NPIPB2: variants seen among roughly 807,000 people sequenced by gnomAD.
NPIPB2 encodes nuclear pore complex interacting protein family member B2, also known as nuclear pore complex-interacting protein family member B2.
In NPIPB2, 27 loss-of-function variants were observed where a neutral mutation model predicts 30.8. The ratio of observed to expected loss-of-function variants is 0.88; its 90% CI spans 0.65 to 1.21. The LOEUF (loss-of-function observed/expected upper bound fraction) is 1.21, where lower values mean the gene tolerates loss of function less well. Ranked by LOEUF, NPIPB2 falls within the 50% of genes most tolerant of loss-of-function variation. The probability of loss-of-function intolerance (pLI) is 0.00; values close to 1 mark genes in which losing one functional copy is unlikely to be tolerated. For synonymous variants in NPIPB2, 147 were observed against 162.0 expected, an observed-to-expected ratio of 0.91 and a Z score of 0.70; for missense variants, 440 against 446.2, an observed-to-expected ratio of 0.99 and a Z score of 0.13.
intron 3 of NPIPB2, 24 bp downstream of exon 3, chr16:11,933,801 A>T (rs749907135): frequency 6.3e-7 from 1 of 1,591,474 alleles, no homozygotes; most frequent in Admixed American, 1.7e-5. Context: ...TTTCCACACT[A>T]TGGGGACTCC....
intron 1 of NPIPB2, among the ~76,000 whole-genome samples, chr16:11,950,892 TAC>T (rs1228782319): frequency 2.0e-5 from 3 of 152,154 alleles, no homozygotes; most frequent in Non-Finnish European, 4.4e-5. Flanking sequence ...GCTGAGAACA[TAC>T]AGAGAAGTAA....
chr16:11,937,706 G>A (rs764358371), intron 1 of NPIPB2, 38 bp from the exon 2 acceptor site: 2 of 1,594,404 alleles, frequency 1.3e-6, no homozygotes, highest in South Asian at 2.2e-5. Context: ...AAAGGTCAAT[G>A]ACACTGACAA....
At chr16:11,942,094 T>C (rs771179753), upstream of NPIPB2, 32 of 1,529,472 alleles carry the variant, frequency 2.1e-5, no homozygotes, top group East Asian at 2.9e-4. Context: ...ATCACATCCA[T>C]GTAGCCATCT....
At chr16:11,960,594 G>T (rs1051317241) in intron 1 of NPIPB2, among the ~76,000 whole-genome samples, 2 of 152,024 alleles carry the variant, frequency 1.3e-5, no homozygotes, top group Admixed American at 6.6e-5. Context: ...CTGACCTCAG[G>T]TTATCCGCCC....
intron 1 of NPIPB2, chr16:11,968,867 TTTC>T (rs1474810890): frequency 1.2e-4 from 17 of 147,506 alleles, no homozygotes; most frequent in African/African-American, 3.1e-4. Flanking sequence ...TTCTTTTTCT[TTTC>T]TTTTTTTTTT....
At chr16:11,948,574 G>C (rs982495897) in intron 1 of NPIPB2, among the ~76,000 whole-genome samples, 1 of 151,720 alleles carries the variant, frequency 6.6e-6, no homozygotes, top group Admixed American at 6.6e-5. Flanking sequence ...AGACCATCCC[G>C]GCTAAAACGG....
rs921695929 is a variant in NPIPB2, at chr16:11,951,477, A to G, written c.-583-9363T>C. On this transcript the variant is annotated intron_variant, in intron 1 of 5. Transcript: ENST00000538896. ...GACTGTCTCAAAAAAAAAAAAAAAA[A>G]GAAAGAAAAGAAAAATTAACATTAC... Among the ~76,000 whole-genome samples the G allele has an allele frequency of 2.1e-5, 3 of 145,424 alleles. 1 individual carries two copies. The highest frequency in any genetic ancestry group is 4.0e-4 in the East Asian group (2 of 5,032).
chr16:11,933,398 T>A (rs1160787463), intron 4 of NPIPB2, 119 bp downstream of exon 4: 1 of 1,462,988 alleles, frequency 6.8e-7, no homozygotes, highest in Non-Finnish European at 9.3e-7. Context: ...ACAAACTCAA[T>A]TTTGAACCCA....
At chr16:11,975,676 T>C (rs1038648849) in intron 1 of NPIPB2, among the ~76,000 whole-genome samples, 22 of 150,546 alleles carry the variant, frequency 1.5e-4, no homozygotes, top group Middle Eastern at 3.4e-3. Flanking sequence ...CTGAAACCTC[T>C]GCCTCCCGGG....
intron 1 of NPIPB2, among the ~76,000 whole-genome samples, chr16:11,974,295 A>C (rs1356743293): frequency 6.6e-6 from 1 of 152,150 alleles, no homozygotes; most frequent in Non-Finnish European, 1.5e-5. Context: ...AGGAGGGTGG[A>C]TCACCTGAGG....
intron 1 of NPIPB2, among the ~76,000 whole-genome samples, chr16:11,955,023 C>T (rs183599589): frequency 1.3e-5 from 2 of 152,172 alleles, no homozygotes; most frequent in East Asian, 1.9e-4. Flanking sequence ...AATCTATACA[C>T]GTACCTACAT....
intron 1 of NPIPB2, among the ~76,000 whole-genome samples, chr16:11,974,840 G>A (rs919403271): frequency 1.3e-5 from 2 of 152,066 alleles, no homozygotes; most frequent in African/African-American, 2.4e-5. Context: ...TTGGGAGGCC[G>A]AGGTGGGTGA....
chr16:11,964,867 A>G (rs1355272428), intron 1 of NPIPB2, among the ~76,000 whole-genome samples: 1 of 152,174 alleles, frequency 6.6e-6, no homozygotes, highest in Non-Finnish European at 1.5e-5. Flanking sequence ...GCTGGCCTCA[A>G]TGTTAAGATC....
chr16:11,934,034 C>G (rs2054830712), intron 2 of NPIPB2, 110 bp from the exon 3 acceptor site: 3 of 743,502 alleles, frequency 4.0e-6, no homozygotes, highest in Non-Finnish European at 6.9e-6. Flanking sequence ...AGTTCAAGAC[C>G]AGCCTGGCCA....
chr16:11,971,459 G>T (rs2055235256), intron 1 of NPIPB2, among the ~76,000 whole-genome samples: 1 of 147,062 alleles, frequency 6.8e-6, no homozygotes, highest in Non-Finnish European at 1.5e-5. Context: ...GTGGGGGGGT[G>T]GGTGGTTCCA....
chr16:11,927,632 G>A (rs1479935237), exon 8 of NPIPB2: 3 of 1,599,054 alleles, frequency 1.9e-6, no homozygotes, highest in African/African-American at 1.4e-5. Flanking sequence ...TGAGGGTGGA[G>A]CTGAGGGTGG....
intron 1 of NPIPB2, among the ~76,000 whole-genome samples, chr16:11,968,310 T>G (rs531945475): frequency 5.3e-5 from 8 of 151,968 alleles, no homozygotes; most frequent in Admixed American, 2.6e-4. Flanking sequence ...AACCCTGTCT[T>G]TACTAAAAAT....
intron 1 of NPIPB2, among the ~76,000 whole-genome samples, chr16:11,948,614 A>C (rs2055034200): frequency 6.6e-6 from 1 of 151,618 alleles, no homozygotes; most frequent in South Asian, 2.1e-4. Flanking sequence ...AAAATACAAA[A>C]AAATTAGCCG....
chr16:11,952,508 C>T (rs1047826087), intron 1 of NPIPB2, among the ~76,000 whole-genome samples: 1 of 151,502 alleles, frequency 6.6e-6, no homozygotes, highest in South Asian at 2.1e-4. Context: ...TAACAATATT[C>T]GATGACTAAC....
Sources: gnomAD v4.1 joint callset for allele counts (sites outside exome capture counted in the v4.1 genomes callset) on GRCh38, gnomAD v4.1.1 for gene constraint, MANE v1.5 for transcripts, NCBI Gene and HGNC (gene_info 2026-07-23, HGNC 2026-07-21) for gene names.